KIF21B: variants seen among roughly 807,000 people sequenced by gnomAD.
The protein encoded by KIF21B is kinesin-like protein KIF21B.
In KIF21B, 85 loss-of-function variants were observed where a neutral mutation model predicts 192.9. The observed-to-expected ratio is 0.44, with a 90% CI of 0.37 to 0.53. KIF21B has a LOEUF of 0.53. Ranked by LOEUF, KIF21B falls within the 20% of genes least tolerant of loss-of-function variation. KIF21B has a pLI of 0.00. For missense variants in KIF21B, 1,716 were observed against 2,194.8 expected, an observed-to-expected ratio of 0.78 and a Z score of 4.36; for synonymous variants, 832 against 884.6, an observed-to-expected ratio of 0.94 and a Z score of 1.05.
rs1165774872 is a variant in KIF21B, at chr1:201,009,365, G to T, written c.165C>A (p.Asp55Glu). Residue 55 changes from aspartate to glutamate, a missense_variant, in exon 2 of 35, where the codon GAC (aspartate) becomes GAA (glutamate). Coordinates refer to ENST00000461742, the MANE Select transcript of KIF21B (RefSeq NM_001252102.2). ...DKAFTYDFVF[D>E]LDTWQEQIYS... ...AGATCTGTTCTTGCCAGGTGTCCAG[G>T]TCGAAGACAAAGTCATAGGTGAAGG... 1.2e-6 allele frequency: 2 copies of T among 1,614,256 alleles called. No homozygotes were observed. Among genetic ancestry groups the T allele is most frequent in the Non-Finnish European group, 1.7e-6 (2 of 1,180,042 alleles).
chr1:200,978,929 A>T (rs1655737467), intron 30 of KIF21B, among the ~76,000 whole-genome samples: 1 of 152,040 alleles, frequency 6.6e-6, no homozygotes, highest in Non-Finnish European at 1.5e-5. Flanking sequence ...GTCTCAAGTG[A>T]TCCTCCTGCT....
intron 1 of KIF21B, among the ~76,000 whole-genome samples, chr1:201,018,413 G>C (rs953301555): frequency 1.3e-5 from 2 of 152,210 alleles, no homozygotes; most frequent in African/African-American, 4.8e-5. Context: ...ATGCTGCTAA[G>C]CAATCCCATA....
intron 17 of KIF21B, 40 bp downstream of exon 17, chr1:200,991,617 A>G (rs1319931671): frequency 1.9e-6 from 3 of 1,595,548 alleles, no homozygotes; most frequent in Non-Finnish European, 2.6e-6. Flanking sequence ...ACACATGTGC[A>G]GCAGGGCCAG....
rs762298687 is a variant in KIF21B at position 200,974,854 on chromosome 1, G to A, written c.4674C>T (p.Pro1558=). The A allele has an allele frequency of 1.9e-6, 3 of 1,614,196 alleles. No individual in the cohort carries two copies. The highest frequency in any genetic ancestry group is 2.5e-6 in the Non-Finnish European group (3 of 1,180,022). ...CCGCACGGCAGGCGCTGAGCAGCAT[G>A]GGGCGGCCCGGGATGAAGGCCAGGG... is the stretch of plus-strand genomic sequence containing the variant. The part of the protein sequence containing the change: ...VCALAFIPGR[P]MLLSACRAGV... Residue 1558 remains proline, a synonymous_variant, in exon 34 of 35, where the codon CCC becomes CCT. Coordinates refer to ENST00000461742, the MANE Select transcript of KIF21B (RefSeq NM_001252102.2).
Position 200,992,392 on chromosome 1 carries a change from G to A in KIF21B, c.2278-3C>T, listed in dbSNP as rs751950604. ...CGCATCTGCTTCATCAGGGCCACCT[G>A]GGATGGGCAGAGATTATGGTGGTGA... is the stretch of plus-strand genomic sequence containing the variant. On this transcript the variant is annotated splice_region_variant and splice_polypyrimidine_tract_variant and intron_variant, in intron 15 of 34. Transcript: ENST00000461742. 20 of 1,612,130 alleles carry A rather than the reference G, an allele frequency of 1.2e-5. No individual in the cohort carries two copies. The highest frequency in any genetic ancestry group is 1.5e-5 in the Non-Finnish European group (18 of 1,179,988).
intron 1 of KIF21B, among the ~76,000 whole-genome samples, chr1:201,018,389 T>A (rs1488515034): frequency 6.6e-6 from 1 of 152,202 alleles, no homozygotes; most frequent in African/African-American, 2.4e-5. Context: ...ACCATGGTGG[T>A]GCCAGGCAGC....
In KIF21B at chr1:200,990,659, A is replaced by T; in HGVS notation, c.2752T>A (p.Ser918Thr). The T allele has an allele frequency of 1.9e-6, 3 of 1,614,018 alleles. No homozygotes were observed. The highest frequency in any genetic ancestry group is 2.5e-6 in the Non-Finnish European group (3 of 1,179,954). The change falls in exon 19 of 35, where the codon TCC becomes ACC. Residue 918 changes from serine (S) to threonine (T), a missense_variant. By Grantham distance (58) the Ser-to-Thr change is moderately conservative (BLOSUM62 1). Around this residue, in one of 3 missense-constraint regions of KIF21B, gnomAD observed 1,087 missense variants for 1,316.6 expected, o/e 0.83. Coordinates refer to ENST00000461742, the MANE Select transcript of KIF21B (RefSeq NM_001252102.2). This position sits in a 1 kb window ranked among gnomAD's most constrained non-coding sequence, Gnocchi z 5.4. ...ATGTCAATGATCCGTCGCTCCAGGG[A>T]CTGCCACTTGAGCCTTGCCGCCTTA... ...FSKAARLKWQ[S>T]LERRIIDIVM...
intron 15 of KIF21B, among the ~76,000 whole-genome samples, chr1:200,995,798 G>C (rs1657021865): frequency 6.6e-6 from 1 of 152,158 alleles, no homozygotes; most frequent in South Asian, 2.1e-4. Flanking sequence ...TTCAAACGAT[G>C]GTAACTGTTA....
chr1:200,977,097 G>A (rs538978113), intron 31 of KIF21B, 115 bp downstream of exon 31: 30 of 1,235,634 alleles, frequency 2.4e-5, no homozygotes, highest in East Asian at 7.0e-5. Flanking sequence ...AGCATGGGGG[G>A]AATAAAGGTG....
intron 14 of KIF21B, among the ~76,000 whole-genome samples, chr1:200,996,658 A>G (rs1231790229): frequency 1.3e-5 from 2 of 152,046 alleles, no homozygotes; most frequent in Admixed American, 1.3e-4. Flanking sequence ...CTGGTCCCCA[A>G]CTTCCCACGA....
At chr1:201,010,620 C>T (rs1307547368) in intron 1 of KIF21B, among the ~76,000 whole-genome samples, 1 of 152,206 alleles carries the variant, frequency 6.6e-6, no homozygotes, top group Non-Finnish European at 1.5e-5. Context: ...AGCCCATCAG[C>T]AGGCACTTAC....
At position 201,023,283 on chromosome 1, in the gene KIF21B, C is replaced by T; in HGVS notation, c.41+60G>A. The T allele has an allele frequency of 6.9e-7, 1 of 1,444,446 alleles. No homozygotes were observed. The highest frequency in any genetic ancestry group is 9.3e-7 in the Non-Finnish European group (1 of 1,075,628). 89.5% of individuals were successfully genotyped at this position (1,444,446 alleles called of 1,614,324 possible). A position where few individuals can be genotyped will look rare whatever the true frequency, so the allele number is the denominator to read the frequency against. ...GGTGCTCGCGCCCCCCGCCCAAAGC[C>T]CACGCGAGACAAAGCCCGAGGCTTC... On this transcript the variant is annotated intron_variant, in intron 1 of 34. Coordinates refer to ENST00000461742, the MANE Select transcript of KIF21B (RefSeq NM_001252102.2). This position sits in a 1 kb window ranked among gnomAD's most constrained non-coding sequence, Gnocchi z 5.9.
intron 1 of KIF21B, among the ~76,000 whole-genome samples, chr1:201,016,719 G>A (rs999187788): frequency 1.3e-5 from 2 of 152,176 alleles, no homozygotes; most frequent in Non-Finnish European, 2.9e-5. Context: ...TGCCATCAGA[G>A]CTCTGTGACA....
chr1:201,020,226 G>A (rs1658739286), intron 1 of KIF21B, among the ~76,000 whole-genome samples: 1 of 152,184 alleles, frequency 6.6e-6, no homozygotes, highest in African/African-American at 2.4e-5. Flanking sequence ...ACTTGAAAGG[G>A]TCTTAAACAA....
chr1:201,021,016 G>A (rs554077951), intron 1 of KIF21B, among the ~76,000 whole-genome samples: 1 of 152,336 alleles, frequency 6.6e-6, no homozygotes, highest in South Asian at 2.1e-4. Flanking sequence ...CCCTGGGGCT[G>A]GACTAGGCCC....
In KIF21B at chr1:201,004,832, C is replaced by T; in HGVS notation, c.834G>A (p.Glu278=). The T allele has an allele frequency of 6.2e-7, 1 of 1,614,192 alleles. No homozygotes were observed. Among genetic ancestry groups the T allele is most frequent in the Non-Finnish European group, 8.5e-7 (1 of 1,180,036 alleles). The change falls in exon 6 of 35, where the codon GAG becomes GAA. Residue 278 remains glutamate, a synonymous_variant. Coordinates refer to ENST00000461742, the MANE Select transcript of KIF21B (RefSeq NM_001252102.2). ...KFHFVDLAGS[E]RLKRTGATGE... ...CAGTAGCCCCTGTCCGCTTCAGCCG[C>T]TCTGAGCCGGCCAGGTCCACAAAGT...
In KIF21B at chr1:201,023,436, C is replaced by T. The variant is rs1388614666; in HGVS notation, c.-53G>A. 7.6e-7 allele frequency: 1 copy of T among 1,322,660 alleles called. No individual in the cohort carries two copies. The allele number at this position is 1,322,660 out of a possible 1,614,324, so 81.9% of individuals were successfully genotyped here. On this transcript the variant is annotated 5_prime_UTR_variant, in exon 1 of 35. It introduces an in-frame stop codon into an upstream open reading frame of the 5' UTR. Transcript: ENST00000461742. This position sits in a 1 kb window ranked among gnomAD's most constrained non-coding sequence, Gnocchi z 5.9. ...GGATCAGAGGCGGGGGTCTGGGGGC[C>T]AATGCCCGAGGCAGCGGCTGCGGCT...
Position 200,990,912 on chromosome 1 carries a change from C to T in KIF21B, c.2687+5G>A, listed in dbSNP as rs540039304. 1.9e-4 allele frequency: 305 copies of T among 1,614,118 alleles called. 2 individuals are homozygous for T. In the South Asian group the frequency reaches 3.2e-3, roughly 17 times the overall value. ...ACAGGCCAGGGGACTGCCAGTCCAC[C>T]TTACCGGGCAGGACGGGTGCCATTG... is the stretch of plus-strand genomic sequence containing the variant. On this transcript the variant is annotated splice_donor_5th_base_variant and intron_variant, in intron 18 of 34. Coordinates refer to ENST00000461742, the MANE Select transcript of KIF21B (RefSeq NM_001252102.2). This position sits in a 1 kb window ranked among gnomAD's most constrained non-coding sequence, Gnocchi z 5.4.
Position 200,999,929 on chromosome 1 carries a change from A to G in KIF21B, c.1721T>C (p.Leu574Pro). The G allele has an allele frequency of 6.2e-7, 1 of 1,613,804 alleles. No homozygotes were observed. The highest frequency in any genetic ancestry group is 8.5e-7 in the Non-Finnish European group (1 of 1,179,978). ...EKEAFKKRAK[L>P]QQENSEETDE... is the part of the protein sequence containing the mutation. ...CGTCTCCTCGCTGTTCTCCTGTTGG[A>G]GTTTTGCCCTCTTTTTGAAGGCTTC... is the stretch of plus-strand genomic sequence containing the variant. The change falls in exon 12 of 35, where the codon CTC (leucine) becomes CCC (proline). Residue 574 changes from leucine to proline, a missense_variant. Physicochemically the swap from Leu to Pro is moderately conservative, Grantham distance 98 (BLOSUM62 -3). This residue lies in a region of KIF21B where 1,087 missense variants were observed against 1,316.6 expected (regional missense o/e 0.83). Coordinates refer to ENST00000461742, the MANE Select transcript of KIF21B (RefSeq NM_001252102.2). The surrounding 1 kb of genome is among the most constrained non-coding windows in gnomAD (Gnocchi z 4.7).
Sources: gnomAD v4.1 joint callset for allele counts (sites outside exome capture counted in the v4.1 genomes callset) on GRCh38, gnomAD v4.1.1 for gene constraint, gnomAD v4.1.1 regional missense constraint, Gnocchi (gnomAD v3.1) non-coding constraint, MANE v1.5 for transcripts, NCBI Gene and HGNC (gene_info 2026-07-23, HGNC 2026-07-21) for gene names.